The following MDGA2 variants were observed in gnomAD, a reference collection of about 807,000 sequenced individuals.
MDGA2 encodes MAM domain-containing glycosylphosphatidylinositol anchor protein 2.
A neutral mutation model predicts 117.8 loss-of-function variants in MDGA2; 40 were observed. The observed-to-expected ratio is 0.34, with a 90% confidence interval of 0.26 to 0.44. MDGA2 has a LOEUF of 0.44. Among genes scored for constraint, MDGA2 ranks in the 20% least tolerant of loss-of-function variants. MDGA2 has a pLI of 1.00. For missense variants in MDGA2, 1,123 were observed against 1,250.6 expected, an observed-to-expected ratio of 0.90 and a Z score of 1.54; for synonymous variants, 452 against 439.0, an observed-to-expected ratio of 1.03 and a Z score of -0.37.
intron 1 of MDGA2, among the ~76,000 whole-genome samples, chr14:47,665,800 T>TCACTCGCCCCCCCTCCCCCCC (rs1897938984): frequency 3.0e-5 from 1 of 32,836 alleles, no homozygotes; most frequent in Non-Finnish European, 6.6e-5. Context: ...GCCCGCCCCC[T>TCACTCGCCCCCCCTCCCCCCC]CCCTCGCCCC....
chr14:46,974,298 C>T (rs1337577399), intron 8 of MDGA2, among the ~76,000 whole-genome samples: 1 of 152,106 alleles, frequency 6.6e-6, no homozygotes, highest in Admixed American at 6.6e-5. Flanking sequence ...GTCAAAACTA[C>T]CCAAAGACGT....
intron 1 of MDGA2, among the ~76,000 whole-genome samples, chr14:47,626,903 G>C (rs958722113): frequency 1.3e-5 from 2 of 152,276 alleles, no homozygotes; most frequent in Non-Finnish European, 2.9e-5. Context: ...GCACGGCGCT[G>C]GACTGGCAGG....
intron 1 of MDGA2, among the ~76,000 whole-genome samples, chr14:47,604,216 T>C (rs771690289): frequency 6.6e-6 from 1 of 152,170 alleles, no homozygotes; most frequent in African/African-American, 2.4e-5. Context: ...GTAACCTTCA[T>C]GTTGGCAGTT....
intron 7 of MDGA2, among the ~76,000 whole-genome samples, chr14:47,035,680 A>G (rs1307473179): frequency 6.6e-6 from 1 of 152,198 alleles, no homozygotes; most frequent in Non-Finnish European, 1.5e-5. Context: ...GCAAGTAGTC[A>G]GAAAGGGAAA....
At chr14:47,646,545 G>C (rs1012038399) in intron 1 of MDGA2, among the ~76,000 whole-genome samples, 1 of 152,072 alleles carries the variant, frequency 6.6e-6, no homozygotes, top group Non-Finnish European at 1.5e-5. Flanking sequence ...GGTGAACTTG[G>C]ATATGTTATT....
At chr14:47,536,271 A>C (rs938263480) in intron 1 of MDGA2, among the ~76,000 whole-genome samples, 1 of 152,256 alleles carries the variant, frequency 6.6e-6, no homozygotes, top group Non-Finnish European at 1.5e-5. Context: ...GTACAAATGA[A>C]TCATTAAAAA....
intron 1 of MDGA2, among the ~76,000 whole-genome samples, chr14:47,421,868 T>G (rs1301567651): frequency 6.6e-6 from 1 of 152,202 alleles, no homozygotes; most frequent in Non-Finnish European, 1.5e-5. Context: ...TTGTTTAGTT[T>G]GCTTTGGTGT....
At chr14:47,398,544 A>C (rs565410960) in intron 1 of MDGA2, among the ~76,000 whole-genome samples, 10 of 152,306 alleles carry the variant, frequency 6.6e-5, no homozygotes, top group African/African-American at 2.4e-4. Context: ...TTTATAAATG[A>C]TAGTTATTGT....
chr14:46,924,442 C>A (rs1397197944), intron 9 of MDGA2, among the ~76,000 whole-genome samples: 1 of 151,932 alleles, frequency 6.6e-6, no homozygotes, highest in Non-Finnish European at 1.5e-5. Flanking sequence ...TAATACTGAT[C>A]AAGACCACAC....
At chr14:47,470,807 G>A (rs777505385) in intron 1 of MDGA2, among the ~76,000 whole-genome samples, 25 of 152,098 alleles carry the variant, frequency 1.6e-4, no homozygotes, top group Non-Finnish European at 3.2e-4. Flanking sequence ...AATTATCCCA[G>A]GAGTAGCTAT....
intron 3 of MDGA2, chr14:47,200,534 C>G: frequency 2.4e-6 from 1 of 421,038 alleles, no homozygotes. Flanking sequence ...TTTTTCTTTT[C>G]TTTTTTTTTT....
chr14:47,070,314 C>T (rs527651726), intron 6 of MDGA2, among the ~76,000 whole-genome samples: 22 of 152,112 alleles, frequency 1.4e-4, no homozygotes, highest in Middle Eastern at 6.8e-3. Context: ...AGCATTTACA[C>T]GACAAAACTT....
intron 9 of MDGA2, among the ~76,000 whole-genome samples, chr14:46,941,701 A>G (rs1595059292): frequency 2.0e-5 from 3 of 151,886 alleles, no homozygotes; most frequent in Non-Finnish European, 4.4e-5. Context: ...AGCAGTACTA[A>G]ACATAGGATA....
intron 9 of MDGA2, among the ~76,000 whole-genome samples, chr14:46,952,453 A>G (rs1382678131): frequency 6.6e-6 from 1 of 152,004 alleles, no homozygotes; most frequent in Non-Finnish European, 1.5e-5. Context: ...TTCTGAAATG[A>G]TACATCACTT....
intron 14 of MDGA2, 91 bp downstream of exon 14, chr14:46,873,341 AC>A (rs1882091904): frequency 8.4e-7 from 1 of 1,192,634 alleles, no homozygotes. Context: ...GCATTCTTTG[AC>A]CAAAAATTGT....
intron 1 of MDGA2, among the ~76,000 whole-genome samples, chr14:47,587,594 A>G (rs1425145893): frequency 1.3e-5 from 2 of 152,054 alleles, no homozygotes; most frequent in Non-Finnish European, 2.9e-5. Context: ...GAAGTCTTTC[A>G]TAACAACCCG....
At chr14:47,547,228 C>G (rs1895481019) in intron 1 of MDGA2, among the ~76,000 whole-genome samples, 1 of 152,098 alleles carries the variant, frequency 6.6e-6, no homozygotes, top group South Asian at 2.1e-4. Flanking sequence ...AGACTGCATC[C>G]AGTATATACA....
chr14:47,052,426 CT>C (rs1394740691), intron 7 of MDGA2, among the ~76,000 whole-genome samples: 1 of 151,738 alleles, frequency 6.6e-6, no homozygotes. Context: ...AACCTTTGTT[CT>C]GATATTTGGG....
At chr14:46,950,891 A>C (rs1355721392) in intron 9 of MDGA2, among the ~76,000 whole-genome samples, 4 of 151,786 alleles carry the variant, frequency 2.6e-5, no homozygotes, top group Admixed American at 2.0e-4. Context: ...TAAAAAAAAA[A>C]GATAAAATAC....
Sources: gnomAD v4.1 joint callset for allele counts (sites outside exome capture counted in the v4.1 genomes callset) on GRCh38, gnomAD v4.1.1 for gene constraint, MANE v1.5 for transcripts, NCBI Gene and HGNC (gene_info 2026-07-23, HGNC 2026-07-21) for gene names.